RARB: variants seen among roughly 807,000 people sequenced by gnomAD.
RARB encodes the protein retinoic acid receptor beta.
Under a neutral mutation model 51.9 loss-of-function variants are expected in RARB, and 17 were observed. That is an observed-to-expected ratio of 0.33 (90% CI 0.22 to 0.49). RARB has a LOEUF of 0.49. Among genes scored for constraint, RARB ranks in the 20% least tolerant of loss-of-function variants. The pLI, the probability that RARB is intolerant of heterozygous loss-of-function variation, is 0.99. For missense variants in RARB, 369 were observed against 550.8 expected (o/e 0.67, Z 3.30); for synonymous variants, 215 against 195.4 (o/e 1.10, Z -0.84).
intron 2 of RARB, among the ~76,000 whole-genome samples, chr3:25,036,067 A>C (rs950474847): frequency 6.6e-6 from 1 of 152,188 alleles, no homozygotes; most frequent in Admixed American, 6.5e-5. Flanking sequence ...CCACGCTGTG[A>C]ATGAAAAGAC....
chr3:25,090,130 C>G (rs898295939), intron 3 of RARB, among the ~76,000 whole-genome samples: 3 of 152,130 alleles, frequency 2.0e-5, no homozygotes, highest in African/African-American at 7.2e-5. Flanking sequence ...AATTAAAAAT[C>G]CATTTCCTTG....
intron 5 of RARB, among the ~76,000 whole-genome samples, chr3:25,244,401 G>A (rs1020211673): frequency 2.0e-5 from 3 of 151,512 alleles, no homozygotes; most frequent in Non-Finnish European, 2.9e-5. Context: ...TAATTGTGAT[G>A]TTAGGGTGTC....
intron 1 of RARB, among the ~76,000 whole-genome samples, chr3:25,443,103 G>A (rs550213823): frequency 6.6e-6 from 1 of 152,276 alleles, no homozygotes; most frequent in African/African-American, 2.4e-5. Flanking sequence ...CACAGTAGGT[G>A]CTCAGAAATA....
intron 2 of RARB, among the ~76,000 whole-genome samples, chr3:24,995,707 A>G (rs1434759399): frequency 6.6e-6 from 1 of 152,004 alleles, no homozygotes; most frequent in Non-Finnish European, 1.5e-5. Context: ...AACTTTTTCT[A>G]CATCTATTGA....
chr3:24,913,279 C>T (rs1042549691), intron 2 of RARB, among the ~76,000 whole-genome samples: 1 of 151,990 alleles, frequency 6.6e-6, no homozygotes, highest in South Asian at 2.1e-4. Flanking sequence ...CCACCGCGCC[C>T]AGCCGGTACT....
Position 24,964,810 on chromosome 3 carries a change from T to A in RARB, c.-379-95315T>A, listed in dbSNP as rs144138042. Among the ~76,000 whole-genome samples the A allele has an allele frequency of 3.8e-3, 585 of 152,286 alleles. 2 individuals are homozygous for A. The highest frequency in any genetic ancestry group is 0.013 in the African/African-American group (559 of 41,568). On this transcript the variant is annotated intron_variant, in intron 2 of 11. Coordinates refer to the RARB transcript ENST00000383772. ...TTATTGACATCTCCTAAAGGCGATG[T>A]CCCCGCTTTCTGTTCTCCCTCAAGG...
intron 2 of RARB, among the ~76,000 whole-genome samples, chr3:24,872,541 A>G (rs552892129): frequency 6.6e-6 from 1 of 152,284 alleles, no homozygotes; most frequent in South Asian, 2.1e-4. Flanking sequence ...GAAGCTTCCA[A>G]CCATGGTGGA....
intron 2 of RARB, among the ~76,000 whole-genome samples, chr3:25,489,002 G>T (rs538027077): frequency 6.6e-6 from 1 of 152,172 alleles, no homozygotes; most frequent in African/African-American, 2.4e-5. Context: ...AAGCAGAGAG[G>T]TAACACTTAA....
At chr3:25,295,511 G>A (rs1703895025) in intron 5 of RARB, among the ~76,000 whole-genome samples, 1 of 152,154 alleles carries the variant, frequency 6.6e-6, no homozygotes, top group Non-Finnish European at 1.5e-5. Context: ...GTATTACCCA[G>A]TCTAAGGTAT....
intron 5 of RARB, among the ~76,000 whole-genome samples, chr3:25,582,078 T>C (rs1701199389): frequency 6.6e-6 from 1 of 151,988 alleles, no homozygotes; most frequent in South Asian, 2.1e-4. Context: ...ATATGAAGCA[T>C]AAACAGGAGC....
intron 5 of RARB, among the ~76,000 whole-genome samples, chr3:25,347,742 G>A (rs1256006723): frequency 6.6e-6 from 1 of 152,156 alleles, no homozygotes; most frequent in Non-Finnish European, 1.5e-5. Context: ...ATGAAGAAGG[G>A]AATCAATGTG....
chr3:25,120,804 C>A (rs1239289178), intron 3 of RARB, among the ~76,000 whole-genome samples: 1 of 152,110 alleles, frequency 6.6e-6, no homozygotes, highest in Non-Finnish European at 1.5e-5. Context: ...CAGGAATCCT[C>A]ACATCATTGC....
intron 2 of RARB, among the ~76,000 whole-genome samples, chr3:25,493,410 G>T (rs546491945): frequency 2.4e-4 from 36 of 152,278 alleles, no homozygotes; most frequent in African/African-American, 7.9e-4. Flanking sequence ...TAGCTGTGAT[G>T]GGATTATTCC....
At chr3:24,989,957 G>A (rs1193025606) in intron 2 of RARB, among the ~76,000 whole-genome samples, 2 of 94,290 alleles carry the variant, frequency 2.1e-5, no homozygotes, top group African/African-American at 4.2e-5. Flanking sequence ...CCGCCACCGC[G>A]CCCGGCTAAT....
chr3:25,020,447 G>A (rs1353654825), intron 2 of RARB: 1 of 152,084 alleles, frequency 6.6e-6, no homozygotes, highest in Non-Finnish European at 1.5e-5. Flanking sequence ...GTGACTACAG[G>A]TGCACCTCTA....
At chr3:25,138,136 A>C (rs558484772) in intron 4 of RARB, among the ~76,000 whole-genome samples, 1 of 152,170 alleles carries the variant, frequency 6.6e-6, no homozygotes, top group East Asian at 1.9e-4. Context: ...GGGAGCTACA[A>C]GCCTGCATTT....
rs140387017 is a variant in RARB at position 25,397,012 on chromosome 3, A to G, written c.179-64181A>G. 6.0e-3 allele frequency among the ~76,000 whole-genome samples: 910 copies of G among 152,246 alleles called. 8 individuals are homozygous for G. The highest frequency in any genetic ancestry group is 0.024 in the Middle Eastern group (7 of 294). On this transcript the variant is annotated intron_variant, in intron 5 of 11. Transcript: ENST00000383772. ...AGGCCCCACTGCTCTCTCAACTGCC[A>G]TGGTTTCTTGCGCGCATATCTGCAC...
At chr3:25,161,230 T>C (rs1235696065) in intron 4 of RARB, among the ~76,000 whole-genome samples, 2 of 150,690 alleles carry the variant, frequency 1.3e-5, no homozygotes, top group East Asian at 3.9e-4. Context: ...GTATTTTTAG[T>C]AGAGACAGGG....
intron 5 of RARB, among the ~76,000 whole-genome samples, chr3:25,268,416 T>C (rs1418837509): frequency 6.6e-6 from 1 of 151,670 alleles, no homozygotes; most frequent in Non-Finnish European, 1.5e-5. Flanking sequence ...CAAGATGCCA[T>C]GTGGCCTACA....
Sources: allele counts gnomAD v4.1 joint callset (sites outside exome capture counted in the v4.1 genomes callset), GRCh38; gene constraint gnomAD v4.1.1; transcripts MANE v1.5; gene names NCBI Gene and HGNC (gene_info 2026-07-23, HGNC 2026-07-21).